The following CWC27 variants were observed in gnomAD, a reference collection of about 807,000 sequenced individuals.
The protein encoded by CWC27 is spliceosome-associated protein CWC27 homolog.
CWC27 carries 47 observed loss-of-function variants against 63.6 expected under a neutral mutation model. The ratio of observed to expected loss-of-function variants is 0.74; its 90% CI spans 0.58 to 0.94. The LOEUF (loss-of-function observed/expected upper bound fraction) is 0.94, where lower values mean the gene tolerates loss of function less well. CWC27 is among the 40% of genes least tolerant of loss of function. The probability of loss-of-function intolerance (pLI) is 0.00; values close to 1 mark genes in which losing one functional copy is unlikely to be tolerated. For missense variants in CWC27, 495 were observed against 554.3 expected (o/e 0.89, Z 1.07); for synonymous variants, 175 against 179.8 (o/e 0.97, Z 0.22).
At chr5:64,947,045 T>G (rs1464464496) in intron 11 of CWC27, among the ~76,000 whole-genome samples, 1 of 152,278 alleles carries the variant, frequency 6.6e-6, no homozygotes, top group South Asian at 2.1e-4. Context: ...TTATTTGGCT[T>G]TCTTTGATCC....
At chr5:64,909,834 T>C (rs1233755316) in intron 11 of CWC27, among the ~76,000 whole-genome samples, 4 of 152,192 alleles carry the variant, frequency 2.6e-5, no homozygotes, top group African/African-American at 7.2e-5. Flanking sequence ...CATCCAATCT[T>C]TTTTCAAGGT....
intron 10 of CWC27, among the ~76,000 whole-genome samples, chr5:64,853,453 T>C (rs1371240391): frequency 6.6e-6 from 1 of 152,228 alleles, no homozygotes; most frequent in Non-Finnish European, 1.5e-5. Flanking sequence ...AAATTTTTAT[T>C]TTTAATTATG....
At position 64,846,993 on chromosome 5, in the gene CWC27, CAAAAAA is replaced by C. The variant is rs35090437; in HGVS notation, c.939-38437_939-38432del. 4.9e-4 allele frequency among the ~76,000 whole-genome samples: 42 copies of C among 86,178 alleles called. No individual in the cohort carries two copies. The East Asian group carries it at 7.1e-3, about 15-fold the overall frequency. 56.5% of individuals were successfully genotyped at this position (86,178 alleles called of 152,430 possible). ...TGGGTGACAGAATAAGACTCCATCT[CAAAAAA>C]AAAAAAAAAAAAGAAAAAGGAAATG... On this transcript the variant is annotated intron_variant, in intron 10 of 13. Coordinates refer to ENST00000381070, the MANE Select transcript of CWC27 (RefSeq NM_005869.4).
At chr5:65,007,006 GAAAGAAAGA>G (rs1345720048) in intron 13 of CWC27, among the ~76,000 whole-genome samples, 1 of 142,748 alleles carries the variant, frequency 7.0e-6, no homozygotes, top group African/African-American at 2.7e-5. Context: ...AAGAAAGAAA[GAAAGAAAGA>G]AAGAAAGAAA....
In CWC27 at chr5:64,955,549, A is replaced by T. The variant is rs554639590; in HGVS notation, c.1043-16154A>T. Among the ~76,000 whole-genome samples, 3 of 152,190 alleles carry T rather than the reference A, an allele frequency of 2.0e-5. No individual in the cohort carries two copies. In the East Asian group the frequency reaches 5.8e-4, roughly 29 times the overall value. On this transcript the variant is annotated intron_variant, in intron 11 of 13. Transcript: ENST00000381070. ...ACTAAAATTGAGCAGGGCGACCCCC[A>T]TTCAACTCACCATCCGACCTCAGGT...
chr5:64,828,676 A>G (rs1167066691), intron 10 of CWC27, among the ~76,000 whole-genome samples: 1 of 152,072 alleles, frequency 6.6e-6, no homozygotes, highest in Non-Finnish European at 1.5e-5. Flanking sequence ...TATTTTACAG[A>G]TAAAGCTTTT....
At chr5:64,905,709 A>G (rs1747621742) in intron 11 of CWC27, among the ~76,000 whole-genome samples, 1 of 152,170 alleles carries the variant, frequency 6.6e-6, no homozygotes, top group African/African-American at 2.4e-5. Context: ...TTTAAGTTCT[A>G]GGGTACATGT....
At chr5:64,899,681 T>G (rs545890619) in intron 11 of CWC27, among the ~76,000 whole-genome samples, 1 of 152,230 alleles carries the variant, frequency 6.6e-6, no homozygotes, top group South Asian at 2.1e-4. Context: ...AACGAAAACA[T>G]TTGTAATAGC....
intron 1 of CWC27, among the ~76,000 whole-genome samples, chr5:64,773,504 G>A (rs573267398): frequency 1.3e-5 from 2 of 150,076 alleles, no homozygotes; most frequent in South Asian, 4.4e-4. Flanking sequence ...TCTTTTTAGG[G>A]TGGTGAAATG....
At chr5:64,892,364 T>TAA (rs536076321) in intron 11 of CWC27, among the ~76,000 whole-genome samples, 1 of 148,698 alleles carries the variant, frequency 6.7e-6, no homozygotes, top group Non-Finnish European at 1.5e-5. Context: ...TCTCTTTATT[T>TAA]AAAAAAAAAA....
chr5:64,789,120 T>G, intron 7 of CWC27, 100 bp downstream of exon 7: 1 of 697,992 alleles, frequency 1.4e-6, no homozygotes, highest in Non-Finnish European at 2.3e-6. Flanking sequence ...CAGCATGTTT[T>G]ACATGGGGCA....
intron 11 of CWC27, among the ~76,000 whole-genome samples, chr5:64,901,045 A>T (rs1017239095): frequency 6.6e-6 from 1 of 151,404 alleles, no homozygotes; most frequent in Non-Finnish European, 1.5e-5. Context: ...AGCATATTTT[A>T]TGTATGGCCC....
At chr5:64,914,737 C>CATG (rs1338512602) in intron 11 of CWC27, among the ~76,000 whole-genome samples, 1 of 152,106 alleles carries the variant, frequency 6.6e-6, no homozygotes, top group Non-Finnish European at 1.5e-5. Flanking sequence ...ACACACAGTC[C>CATG]ATGATTCACT....
chr5:64,905,120 G>A (rs1327230514), intron 11 of CWC27, among the ~76,000 whole-genome samples: 1 of 140,416 alleles, frequency 7.1e-6, no homozygotes, highest in Non-Finnish European at 1.5e-5. Context: ...ATAATTGCTT[G>A]AACCTGTGAT....
chr5:64,915,067 T>A (rs905832833), intron 11 of CWC27, among the ~76,000 whole-genome samples: 2 of 152,144 alleles, frequency 1.3e-5, no homozygotes, highest in African/African-American at 2.4e-5. Context: ...TAGTAGTGTG[T>A]TTTGGGTTTG....
At position 65,015,481 on chromosome 5, in the gene CWC27, G is replaced by C. The variant is rs577146431; in HGVS notation, c.1257-2678G>C. Among the ~76,000 whole-genome samples, 6 of 152,292 alleles carry C rather than the reference G, an allele frequency of 3.9e-5. 1 individual carries two copies. Among genetic ancestry groups the C allele is most frequent in the African/African-American group, 1.2e-4 (5 of 41,576 alleles). ...TGGTGTTGGCTTAGACATCAACACA[G>C]CCAGCCCGTAAGCACTTGGAACGCT... On this transcript the variant is annotated intron_variant, in intron 13 of 13. Coordinates refer to ENST00000381070, the MANE Select transcript of CWC27 (RefSeq NM_005869.4).
intron 11 of CWC27, among the ~76,000 whole-genome samples, chr5:64,949,106 T>TTCC (rs1431796952): frequency 1.3e-5 from 2 of 151,972 alleles, no homozygotes; most frequent in African/African-American, 4.8e-5. Flanking sequence ...TTAACTTTAT[T>TTCC]TAGACTTTTT....
chr5:64,869,209 A>C (rs1276071906), intron 10 of CWC27, among the ~76,000 whole-genome samples: 1 of 152,106 alleles, frequency 6.6e-6, no homozygotes, highest in Non-Finnish European at 1.5e-5. Context: ...GTAGAGGTAT[A>C]TGTAGGCCAG....
intron 10 of CWC27, among the ~76,000 whole-genome samples, chr5:64,805,206 T>C (rs965920863): frequency 7.2e-5 from 11 of 151,870 alleles, no homozygotes; most frequent in African/African-American, 2.7e-4. Context: ...AATTTTTTCT[T>C]TATGTAATCA....
Sources: allele counts gnomAD v4.1 joint callset (sites outside exome capture counted in the v4.1 genomes callset), GRCh38; gene constraint gnomAD v4.1.1; transcripts MANE v1.5; gene names NCBI Gene and HGNC (gene_info 2026-07-23, HGNC 2026-07-21).